Variants in PDE8A observed in about 807,000 individuals in gnomAD.
PDE8A encodes phosphodiesterase 8A, also known as high affinity cAMP-specific and IBMX-insensitive 3',5'-cyclic phosphodiesterase 8A.
PDE8A carries 59 observed loss-of-function variants against 105.0 expected under a neutral mutation model. The observed-to-expected ratio is 0.56, with a 90% CI of 0.46 to 0.70. PDE8A has a LOEUF of 0.70. Ranked by LOEUF, PDE8A falls within the 30% of genes least tolerant of loss-of-function variation. The pLI, the probability that PDE8A is intolerant of heterozygous loss-of-function variation, is 0.00. For synonymous variants in PDE8A, 355 were observed against 371.9 expected (o/e 0.95, Z 0.52); for missense variants, 1,014 against 1,045.9 (o/e 0.97, Z 0.42).
At chr15:85,023,326 G>C (rs1265339618) in intron 1 of PDE8A, among the ~76,000 whole-genome samples, 4 of 152,178 alleles carry the variant, frequency 2.6e-5, no homozygotes, top group Admixed American at 6.5e-5. Context: ...AGTCTGCAAG[G>C]CTCTGTTATT....
At chr15:85,103,843 C>G (rs541829085) in intron 11 of PDE8A, among the ~76,000 whole-genome samples, 100 of 152,276 alleles carry the variant, frequency 6.6e-4, no homozygotes, top group Non-Finnish European at 1.0e-3. Context: ...CACCTCGCTT[C>G]CTTACCTCAC....
intron 1 of PDE8A, among the ~76,000 whole-genome samples, chr15:85,057,793 T>C (rs1330053866): frequency 2.0e-5 from 3 of 152,252 alleles, no homozygotes; most frequent in Admixed American, 1.3e-4. Flanking sequence ...ATTTGAGGTA[T>C]AATGAATGAG....
intron 1 of PDE8A, among the ~76,000 whole-genome samples, chr15:84,984,622 T>C (rs988236904): frequency 3.9e-5 from 6 of 152,178 alleles, no homozygotes; most frequent in African/African-American, 1.4e-4. Flanking sequence ...GGTGGGAGAT[T>C]GATAACTAAT....
At chr15:85,083,362 T>TCTTA (rs1307107479) in intron 5 of PDE8A, among the ~76,000 whole-genome samples, 194 bp from the exon 6 acceptor site, 1 of 152,138 alleles carries the variant, frequency 6.6e-6, no homozygotes, top group African/African-American at 2.4e-5. Context: ...GGAAAAGCAT[T>TCTTA]CTTAAACCCT....
chr15:85,035,197 CTTTTTTTTTTTTTT>C (rs35548176), intron 1 of PDE8A, among the ~76,000 whole-genome samples: 6 of 57,766 alleles, frequency 1.0e-4, no homozygotes, highest in Non-Finnish European at 1.8e-4. Context: ...TGGGTATTTC[CTTTTTTTTTTTTTT>C]TTTTTTTTTT....
chr15:85,019,451 G>C (rs750320669), intron 1 of PDE8A, among the ~76,000 whole-genome samples: 1 of 152,114 alleles, frequency 6.6e-6, no homozygotes, highest in South Asian at 2.1e-4. Flanking sequence ...ATGGGGTCTC[G>C]CTGTGTTGCC....
chr15:85,081,133 G>A (rs1333909468), intron 5 of PDE8A, among the ~76,000 whole-genome samples: 1 of 152,226 alleles, frequency 6.6e-6, no homozygotes, highest in Non-Finnish European at 1.5e-5. Flanking sequence ...TGTAGGCGGT[G>A]GTGCCAAGGC....
chr15:85,027,091 C>G (rs916381502), intron 1 of PDE8A, among the ~76,000 whole-genome samples: 1 of 152,130 alleles, frequency 6.6e-6, no homozygotes, highest in Admixed American at 6.5e-5. Flanking sequence ...TGTCCTTTGC[C>G]TGTAAGAACA....
At position 85,076,784 on chromosome 15, in the gene PDE8A, A is replaced by G. The variant is rs757930765; in HGVS notation, c.543A>G (p.Thr181=). 1 of 1,560,890 alleles carries G rather than the reference A, an allele frequency of 6.4e-7. No homozygotes were observed. The highest frequency in any genetic ancestry group is 1.1e-5 in the South Asian group (1 of 90,028). ...SVMPFISAGF[T]RRYVENPNIM... ...TGCCTTTCATTTCTGCTGGATTTAC[A>G]AGGGTATGTACTCACTTATTTGTTA... The change falls in exon 5 of 22, where the codon ACA becomes ACG. Residue 181 remains threonine, a synonymous_variant. Transcript: ENST00000394553.
intron 1 of PDE8A, among the ~76,000 whole-genome samples, chr15:85,051,653 T>G (rs1189252140): frequency 2.0e-5 from 3 of 152,100 alleles, no homozygotes; most frequent in Non-Finnish European, 4.4e-5. Context: ...CAGTGTGTGT[T>G]GTTCCCCCCA....
chr15:84,993,473 GATCACTTAAATTGTACA>G (rs2079924549), intron 1 of PDE8A, among the ~76,000 whole-genome samples: 1 of 145,098 alleles, frequency 6.9e-6, no homozygotes, highest in African/African-American at 2.6e-5. Context: ...AAAGAACAAG[GATCACTTAAATTGTACA>G]ATCACTTAAA....
In PDE8A at chr15:85,098,009, A is replaced by C. The variant is rs777831475; in HGVS notation, c.914A>C (p.Lys305Thr). The C allele has an allele frequency of 3.7e-6, 6 of 1,600,942 alleles. No homozygotes were observed. In the African/African-American group the frequency reaches 8.0e-5, roughly 21 times the overall value. ...GGAGATAATATACAACAAAATGTGA[A>C]GATAATACCTGTCATTGGACAGGGA... Reference protein sequence around the residue: ...KNGDNIQQNVKIIPVIGQGGK... With the variant: ...KNGDNIQQNVTIIPVIGQGGK... The change falls in exon 9 of 22, where the codon AAG (lysine) becomes ACG (threonine). Residue 305 changes from lysine (K) to threonine (T), a missense_variant. Lys to Thr is a moderately conservative substitution (Grantham distance 78). Transcript: ENST00000394553.
At chr15:85,033,359 G>A (rs745840270) in intron 1 of PDE8A, among the ~76,000 whole-genome samples, 1 of 152,168 alleles carries the variant, frequency 6.6e-6, no homozygotes, top group Non-Finnish European at 1.5e-5. Context: ...AGTAGTACTT[G>A]TAGGGAGAGG....
chr15:85,018,605 T>C (rs2080368570), intron 1 of PDE8A, among the ~76,000 whole-genome samples: 1 of 152,232 alleles, frequency 6.6e-6, no homozygotes, highest in Admixed American at 6.5e-5. Flanking sequence ...TCTATAATTA[T>C]GTGTATATAT....
intron 1 of PDE8A, among the ~76,000 whole-genome samples, chr15:84,999,453 C>T (rs2080031532): frequency 6.6e-6 from 1 of 152,154 alleles, no homozygotes; most frequent in African/African-American, 2.4e-5. Flanking sequence ...AAAATATTCC[C>T]TCATTCATTC....
At chr15:85,075,537 C>G (rs2141480336) in intron 3 of PDE8A, among the ~76,000 whole-genome samples, 1 of 152,324 alleles carries the variant, frequency 6.6e-6, no homozygotes, top group South Asian at 2.1e-4. Flanking sequence ...CGGCTTCTTT[C>G]ATGTAAGCAC....
chr15:85,081,472 G>A (rs748957342), intron 5 of PDE8A, among the ~76,000 whole-genome samples: 1 of 152,218 alleles, frequency 6.6e-6, no homozygotes, highest in Non-Finnish European at 1.5e-5. Flanking sequence ...GATGGGCTCA[G>A]GTCCTAGCCG....
At chr15:85,092,945 A>G (rs1174515333) in intron 8 of PDE8A, among the ~76,000 whole-genome samples, 5 of 146,082 alleles carry the variant, frequency 3.4e-5, no homozygotes, top group Non-Finnish European at 7.5e-5. Flanking sequence ...TTCTTGAGAC[A>G]GGGTCTCATT....
intron 12 of PDE8A, among the ~76,000 whole-genome samples, chr15:85,111,689 C>T (rs924669911): frequency 3.3e-5 from 5 of 152,162 alleles, no homozygotes; most frequent in African/African-American, 9.7e-5. Flanking sequence ...CCATGTGACG[C>T]TTAGAATGAG....
Sources: gnomAD v4.1 joint callset for allele counts (sites outside exome capture counted in the v4.1 genomes callset) on GRCh38, gnomAD v4.1.1 for gene constraint, MANE v1.5 for transcripts, NCBI Gene and HGNC (gene_info 2026-07-23, HGNC 2026-07-21) for gene names.